Variants in USH2A observed in about 807,000 individuals in gnomAD.
USH2A encodes the protein usherin.
USH2A carries 443 observed loss-of-function variants against 538.9 expected under a neutral mutation model. The ratio of observed to expected loss-of-function variants is 0.82; its 90% CI spans 0.76 to 0.89. The LOEUF (loss-of-function observed/expected upper bound fraction) is 0.89, where lower values mean the gene tolerates loss of function less well. USH2A is among the 40% of genes least tolerant of loss of function. USH2A has a pLI of 0.00. For synonymous variants in USH2A, 2,413 were observed against 2,273.5 expected (o/e 1.06, Z -1.75); for missense variants, 6,633 against 6,324.8 (o/e 1.05, Z -1.65).
chr1:215,906,278 C>T (rs996233404), intron 38 of USH2A, among the ~76,000 whole-genome samples: 3 of 152,020 alleles, frequency 2.0e-5, no homozygotes, highest in Admixed American at 2.0e-4. Flanking sequence ...TTTTTGAAAG[C>T]ATACTGTGTA....
intron 13 of USH2A, among the ~76,000 whole-genome samples, chr1:216,242,379 A>T (rs61204646): frequency 0.044 from 6,620 of 150,332 alleles, 247 homozygotes; most frequent in African/African-American, 0.1. Context: ...AGAAAAAAAA[A>T]ATATATATAT....
intron 4 of USH2A, among the ~76,000 whole-genome samples, chr1:216,336,151 A>C (rs1183163972): frequency 5.3e-5 from 8 of 151,504 alleles, no homozygotes; most frequent in Non-Finnish European, 3.0e-5. Flanking sequence ...ACTTGGAAAA[A>C]TAAAGGACAA....
At chr1:216,255,271 T>C (rs2036237920) in intron 11 of USH2A, among the ~76,000 whole-genome samples, 1 of 152,210 alleles carries the variant, frequency 6.6e-6, no homozygotes. Flanking sequence ...ATAGCTTTCA[T>C]TAGCCTGGCT....
At chr1:215,736,870 C>T (rs1438486555) in intron 60 of USH2A, among the ~76,000 whole-genome samples, 1 of 151,948 alleles carries the variant, frequency 6.6e-6, no homozygotes, top group Non-Finnish European at 1.5e-5. Context: ...GAAATTCTTA[C>T]ATATGATATT....
intron 15 of USH2A, among the ~76,000 whole-genome samples, chr1:216,211,242 A>C (rs138218522): frequency 1.5e-4 from 23 of 152,256 alleles, no homozygotes; most frequent in African/African-American, 5.5e-4. Context: ...GGAGGGAGTC[A>C]TAGGAGCCCC....
At chr1:216,393,706 C>T (rs2039152570) in intron 3 of USH2A, among the ~76,000 whole-genome samples, 1 of 152,140 alleles carries the variant, frequency 6.6e-6, no homozygotes, top group Admixed American at 6.5e-5. Context: ...TCTCTCCCTG[C>T]CAATCACAAG....
chr1:215,822,451 T>G (rs1295252338), intron 47 of USH2A, among the ~76,000 whole-genome samples: 1 of 152,038 alleles, frequency 6.6e-6, no homozygotes, highest in Non-Finnish European at 1.5e-5. Context: ...TAACTGCTAT[T>G]GATTTCTGTA....
intron 36 of USH2A, among the ~76,000 whole-genome samples, chr1:215,967,733 T>G (rs545791180): frequency 1.8e-4 from 25 of 140,862 alleles, no homozygotes; most frequent in Admixed American, 1.5e-3. Context: ...AATAACACAC[T>G]TATTTGCTTC....
At chr1:215,981,618 C>T (rs569892170) in intron 35 of USH2A, among the ~76,000 whole-genome samples, 3 of 152,234 alleles carry the variant, frequency 2.0e-5, no homozygotes, top group Admixed American at 2.0e-4. Context: ...CAGGATATAA[C>T]TATTGGCTAA....
chr1:216,237,917 A>T (rs894468384), intron 13 of USH2A, among the ~76,000 whole-genome samples: 19 of 152,138 alleles, frequency 1.2e-4, no homozygotes, highest in Non-Finnish European at 2.8e-4. Flanking sequence ...TTACTTTTAG[A>T]TTCAGGTCTC....
chr1:216,013,425 T>C (rs1482522636), intron 32 of USH2A, among the ~76,000 whole-genome samples: 4 of 151,414 alleles, frequency 2.6e-5, no homozygotes, highest in East Asian at 4.0e-4. Context: ...CACTATTTCA[T>C]TTTATTTTTC....
At chr1:216,368,798 G>A (rs1351154278) in intron 3 of USH2A, among the ~76,000 whole-genome samples, 1 of 152,116 alleles carries the variant, frequency 6.6e-6, no homozygotes. Context: ...GTTAATATAT[G>A]TGGTGTATAA....
chr1:215,883,885 T>G (rs547479665), intron 41 of USH2A, among the ~76,000 whole-genome samples: 2 of 152,344 alleles, frequency 1.3e-5, no homozygotes, highest in South Asian at 4.1e-4. Context: ...GTCTTCTATT[T>G]ATACTTCAAA....
intron 61 of USH2A, 111 bp from the exon 62 acceptor site, chr1:215,680,487 G>A (rs765959198): frequency 7.8e-5 from 78 of 1,004,828 alleles, no homozygotes; most frequent in South Asian, 1.1e-4. Context: ...CAACAGCAGC[G>A]CAAACACTAC....
At chr1:216,136,470 A>G (rs301745) in intron 21 of USH2A, among the ~76,000 whole-genome samples, 120,989 of 152,024 alleles carry the variant, frequency 0.8, 48,246 homozygotes, top group Non-Finnish European at 0.8. Context: ...AATTAGTTGG[A>G]GTTGTTTAAT....
intron 3 of USH2A, among the ~76,000 whole-genome samples, chr1:216,386,818 G>A (rs2039016593): frequency 6.6e-6 from 1 of 152,034 alleles, no homozygotes; most frequent in South Asian, 2.1e-4. Flanking sequence ...TCACGCCACT[G>A]CAATCCAGCC....
chr1:216,014,356 A>G (rs1276467406), intron 32 of USH2A, among the ~76,000 whole-genome samples: 2 of 152,214 alleles, frequency 1.3e-5, no homozygotes, highest in Non-Finnish European at 2.9e-5. Context: ...AAATTCTTTG[A>G]GAGTGAAGCC....
rs765059866 is a variant in USH2A, at chr1:216,325,511, G to C, written c.937C>G (p.Pro313Ala). 1 of 1,613,784 alleles carries C rather than the reference G, an allele frequency of 6.2e-7. No individual in the cohort carries two copies. Among genetic ancestry groups the C allele is most frequent in the Non-Finnish European group, 8.5e-7 (1 of 1,179,846 alleles). Reference sequence around the variant, plus strand: ...GGAATGCAGTACCGCTGTGCCAAAGGGTGGACCCGCGGGTGGCTGCCAGGG... The same window carrying C: ...GGAATGCAGTACCGCTGTGCCAAAGCGTGGACCCGCGGGTGGCTGCCAGGG... Reference protein sequence around the residue: ...RCPGSHPRVHPLAQRYCIPND... With the variant: ...RCPGSHPRVHALAQRYCIPND... The change falls in exon 6 of 72, where the codon CCT becomes GCT. Residue 313 changes from proline to alanine, a missense_variant. By Grantham distance (27) the Pro-to-Ala change is conservative. Transcript: ENST00000307340.
intron 22 of USH2A, among the ~76,000 whole-genome samples, chr1:216,093,535 T>A (rs2032356525): frequency 1.3e-5 from 2 of 152,120 alleles, no homozygotes; most frequent in Admixed American, 6.5e-5. Context: ...CCAGATGAGT[T>A]TCCTGGCAGC....
Sources: allele counts gnomAD v4.1 joint callset (sites outside exome capture counted in the v4.1 genomes callset), GRCh38; gene constraint gnomAD v4.1.1; transcripts MANE v1.5; gene names NCBI Gene and HGNC (gene_info 2026-07-23, HGNC 2026-07-21).